Variants in HCN1 observed in about 807,000 individuals in gnomAD.
HCN1 encodes the protein potassium/sodium hyperpolarization-activated cyclic nucleotide-gated channel 1.
HCN1 carries 13 observed loss-of-function variants against 78.9 expected under a neutral mutation model. The ratio of observed to expected loss-of-function variants is 0.16; its 90% CI spans 0.11 to 0.26. The LOEUF (loss-of-function observed/expected upper bound fraction) is 0.26, where lower values mean the gene tolerates loss of function less well. HCN1 is among the 10% of genes least tolerant of loss of function. HCN1 has a pLI of 1.00. For synonymous variants in HCN1, 552 were observed against 455.5 expected, an observed-to-expected ratio of 1.21 and a Z score of -2.70; for missense variants, 810 against 1,154.3, an observed-to-expected ratio of 0.70 and a Z score of 4.32.
chr5:45,695,941 CT>C lies in HCN1; in HGVS notation c.152del (p.Lys51ArgfsTer97). On this transcript the variant is annotated frameshift_variant, in exon 1 of 8. Coordinates refer to ENST00000303230, the MANE Select transcript of HCN1 (RefSeq NM_021072.4). LOFTEE classifies it high-confidence loss of function. ...TPPGGGGAGA[K>X]EHGNSVCFKV... ...TGAAGCACACGGAGTTGCCGTGCTC[CT>C]TCGCGCCGGCCCCGCCGCCCCCCGG... 1 of 1,381,120 alleles carries C rather than the reference CT, an allele frequency of 7.2e-7. No homozygotes were observed. The highest frequency in any genetic ancestry group is 9.3e-7 in the Non-Finnish European group (1 of 1,076,246). 85.6% of individuals were successfully genotyped at this position (1,381,120 alleles called of 1,614,324 possible). A position where few individuals can be genotyped will look rare whatever the true frequency, so the allele number is the denominator to read the frequency against.
At chr5:45,668,495 A>C (rs1347911649) in intron 1 of HCN1, among the ~76,000 whole-genome samples, 1 of 151,926 alleles carries the variant, frequency 6.6e-6, no homozygotes, top group African/African-American at 2.4e-5. Flanking sequence ...TTGTGAGTCA[A>C]TTAAATTTCT....
At chr5:45,358,125 C>T (rs1412004150) in intron 4 of HCN1, among the ~76,000 whole-genome samples, 6 of 151,934 alleles carry the variant, frequency 3.9e-5, no homozygotes, top group Non-Finnish European at 8.8e-5. Flanking sequence ...TATTAATTAC[C>T]CGATCTTAGG....
intron 2 of HCN1, among the ~76,000 whole-genome samples, chr5:45,507,478 C>A (rs901139716): frequency 5.9e-5 from 9 of 152,162 alleles, no homozygotes; most frequent in African/African-American, 2.2e-4. Flanking sequence ...AAGCACACTC[C>A]ATTTTCATGC....
chr5:45,292,035 T>C (rs1204391994), intron 6 of HCN1, among the ~76,000 whole-genome samples: 1 of 151,976 alleles, frequency 6.6e-6, no homozygotes, highest in Non-Finnish European at 1.5e-5. Flanking sequence ...TAGAATACTA[T>C]GTGGAATACA....
At chr5:45,623,917 CAG>C (rs1197424967) in intron 2 of HCN1, among the ~76,000 whole-genome samples, 1 of 152,080 alleles carries the variant, frequency 6.6e-6, no homozygotes, top group African/African-American at 2.4e-5. Context: ...TGACATTTGA[CAG>C]AGATTTGAAA....
intron 2 of HCN1, among the ~76,000 whole-genome samples, chr5:45,539,129 C>T (rs1288279456): frequency 6.6e-6 from 1 of 152,134 alleles, no homozygotes; most frequent in Non-Finnish European, 1.5e-5. Flanking sequence ...TGATTCTAAG[C>T]ATGAATATCT....
intron 4 of HCN1, among the ~76,000 whole-genome samples, chr5:45,371,522 G>A (rs1278929121): frequency 6.6e-6 from 1 of 151,758 alleles, no homozygotes; most frequent in African/African-American, 2.4e-5. Context: ...ACTTTGGGAA[G>A]CCGAGGTGGA....
intron 6 of HCN1, among the ~76,000 whole-genome samples, chr5:45,291,940 ATTGT>A (rs1480248748): frequency 6.6e-6 from 1 of 151,906 alleles, no homozygotes; most frequent in African/African-American, 2.4e-5. Flanking sequence ...ACATTTGTTT[ATTGT>A]TTATTTTATG....
intron 3 of HCN1, among the ~76,000 whole-genome samples, chr5:45,442,952 C>A (rs543942208): frequency 1.6e-4 from 25 of 152,094 alleles, no homozygotes; most frequent in African/African-American, 4.3e-4. Context: ...TTGATAGCCC[C>A]AATTTGTCAT....
intron 3 of HCN1, among the ~76,000 whole-genome samples, chr5:45,412,629 C>T (rs1740045230): frequency 6.6e-6 from 1 of 152,044 alleles, no homozygotes; most frequent in East Asian, 1.9e-4. Flanking sequence ...AAATCAATGG[C>T]AATGTCTCTG....
intron 3 of HCN1, among the ~76,000 whole-genome samples, chr5:45,402,813 C>T (rs953294059): frequency 5.1e-5 from 5 of 98,370 alleles, no homozygotes; most frequent in Non-Finnish European, 1.0e-4. Context: ...CCTTTCTTTC[C>T]TCCTTCCTTC....
intron 5 of HCN1, among the ~76,000 whole-genome samples, chr5:45,305,197 G>A (rs932160761): frequency 7.9e-5 from 12 of 152,066 alleles, no homozygotes; most frequent in African/African-American, 2.4e-4. Context: ...GTGCTATACC[G>A]ACCCATCAAT....
At chr5:45,585,369 T>G (rs1744190642) in intron 2 of HCN1, among the ~76,000 whole-genome samples, 1 of 152,232 alleles carries the variant, frequency 6.6e-6, no homozygotes, top group Non-Finnish European at 1.5e-5. Flanking sequence ...GCCATGGTTT[T>G]CAGCTCCATC....
intron 3 of HCN1, among the ~76,000 whole-genome samples, chr5:45,449,216 C>T (rs1181456922): frequency 6.6e-6 from 1 of 152,162 alleles, no homozygotes; most frequent in Non-Finnish European, 1.5e-5. Flanking sequence ...AACCAAGGTA[C>T]AAATATGTTA....
intron 1 of HCN1, among the ~76,000 whole-genome samples, chr5:45,673,807 A>G (rs554801972): frequency 7.2e-5 from 11 of 151,786 alleles, no homozygotes; most frequent in Non-Finnish European, 1.6e-4. Context: ...GCTCTCTACC[A>G]AAAGAAAGGC....
chr5:45,509,479 C>T (rs923578024), intron 2 of HCN1, among the ~76,000 whole-genome samples: 4 of 152,144 alleles, frequency 2.6e-5, no homozygotes, highest in Admixed American at 2.0e-4. Context: ...GCAGGTTGAG[C>T]ATGAACTGCA....
At chr5:45,681,214 T>C (rs1739695725) in intron 1 of HCN1, among the ~76,000 whole-genome samples, 1 of 152,112 alleles carries the variant, frequency 6.6e-6, no homozygotes, top group South Asian at 2.1e-4. Context: ...CTCCAACACA[T>C]AGCGCAAAAT....
At chr5:45,341,319 G>A (rs1354022377) in intron 5 of HCN1, among the ~76,000 whole-genome samples, 3 of 152,166 alleles carry the variant, frequency 2.0e-5, no homozygotes, top group Non-Finnish European at 2.9e-5. Flanking sequence ...AACCAACATC[G>A]TAGACATCAC....
intron 2 of HCN1, among the ~76,000 whole-genome samples, chr5:45,621,889 A>G (rs1417098014): frequency 6.6e-6 from 1 of 152,200 alleles, no homozygotes; most frequent in Non-Finnish European, 1.5e-5. Context: ...AGCAGAAAAA[A>G]AATTGTTTTA....
Sources: gnomAD v4.1 joint callset for allele counts (sites outside exome capture counted in the v4.1 genomes callset) on GRCh38, gnomAD v4.1.1 for gene constraint, MANE v1.5 for transcripts, NCBI Gene and HGNC (gene_info 2026-07-23, HGNC 2026-07-21) for gene names.